The following PDE8B variants were observed in gnomAD, a reference collection of about 807,000 sequenced individuals.
The protein encoded by PDE8B is phosphodiesterase 8B, also known as high affinity cAMP-specific and IBMX-insensitive 3',5'-cyclic phosphodiesterase 8B.
Under a neutral mutation model 101.3 loss-of-function variants are expected in PDE8B, and 26 were observed. That is an observed-to-expected ratio of 0.26 (90% confidence interval 0.19 to 0.36). PDE8B has a LOEUF of 0.36. PDE8B is among the 10% of genes least tolerant of loss of function. The probability of loss-of-function intolerance (pLI) is 1.00; values close to 1 mark genes in which losing one functional copy is unlikely to be tolerated. For missense variants in PDE8B, 810 were observed against 1,163.1 expected (o/e 0.70, Z 4.42); for synonymous variants, 424 against 429.3 (o/e 0.99, Z 0.15).
chr5:77,188,568 C>A, the PDE8B span, among the ~76,000 whole-genome samples: 1 of 152,098 alleles, frequency 6.6e-6, no homozygotes, highest in Non-Finnish European at 1.5e-5. Context: ...TAACTTCTGT[C>A]GGAAAGACCA....
chr5:77,373,457 T>TCC (rs1785449725), intron 10 of PDE8B, among the ~76,000 whole-genome samples: 1 of 152,180 alleles, frequency 6.6e-6, no homozygotes, highest in East Asian at 1.9e-4. Context: ...TATCAACATA[T>TCC]CCCCAAGAGT....
intron 10 of PDE8B, among the ~76,000 whole-genome samples, chr5:77,380,944 A>G (rs1157533308): frequency 6.6e-6 from 1 of 152,182 alleles, no homozygotes; most frequent in East Asian, 1.9e-4. Flanking sequence ...TGGACTGGGA[A>G]GCTTCCCAAG....
chr5:77,250,811 C>T (rs1327760236), intron 1 of PDE8B, among the ~76,000 whole-genome samples: 2 of 152,178 alleles, frequency 1.3e-5, no homozygotes, highest in Non-Finnish European at 2.9e-5. Context: ...CCGCCAAGGT[C>T]CCTCTTCTCA....
chr5:77,411,547 T>G (rs2151092642), intron 14 of PDE8B, 129 bp from the exon 15 acceptor site: 1 of 732,134 alleles, frequency 1.4e-6, no homozygotes, highest in East Asian at 2.7e-5. Context: ...TTTTGAGCTT[T>G]GCTTCAACTT....
intron 14 of PDE8B, among the ~76,000 whole-genome samples, chr5:77,409,747 C>G (rs985502029): frequency 4.6e-5 from 7 of 152,154 alleles, no homozygotes; most frequent in Admixed American, 1.3e-4. Context: ...TTTGAGTTCC[C>G]CATCAGAGTC....
At chr5:77,197,706 T>A in the PDE8B span, among the ~76,000 whole-genome samples, 111,431 of 151,684 alleles carry the variant, frequency 0.73, 42,123 homozygotes, top group East Asian at 0.96. Context: ...CTTTTCAAAA[T>A]CCAGCTCCTG....
intron 10 of PDE8B, among the ~76,000 whole-genome samples, chr5:77,368,130 G>GTGTTTGGTC (rs1174968110): frequency 1.3e-5 from 2 of 152,194 alleles, no homozygotes; most frequent in African/African-American, 4.8e-5. Context: ...GTGTAATTTT[G>GTGTTTGGTC]TGTTTGGTCT....
At chr5:77,137,118 A>G in the PDE8B span, among the ~76,000 whole-genome samples, 1 of 152,100 alleles carries the variant, frequency 6.6e-6, no homozygotes, top group African/African-American at 2.4e-5. Context: ...TTTTGTCATC[A>G]TGTATTGTGA....
chr5:77,291,320 C>T (rs982474064), intron 1 of PDE8B: 2 of 1,612,636 alleles, frequency 1.2e-6, no homozygotes, highest in African/African-American at 2.7e-5. Flanking sequence ...AGGCAGTGAG[C>T]ATGTTTCTTG....
chr5:77,156,531 T>G, the PDE8B span, among the ~76,000 whole-genome samples: 1 of 152,194 alleles, frequency 6.6e-6, no homozygotes, highest in Non-Finnish European at 1.5e-5. Context: ...TATTACATAC[T>G]GTGAATTATG....
intron 1 of PDE8B, among the ~76,000 whole-genome samples, chr5:77,218,452 C>G (rs956337938): frequency 1.3e-5 from 2 of 152,350 alleles, no homozygotes; most frequent in East Asian, 3.9e-4. Flanking sequence ...TGGTCTCTCA[C>G]CCCATGAGCC....
chr5:77,262,123 C>CTTCAT (rs1413950278), intron 1 of PDE8B, among the ~76,000 whole-genome samples: 1 of 151,820 alleles, frequency 6.6e-6, no homozygotes, highest in East Asian at 1.9e-4. Context: ...TTCATATGTA[C>CTTCAT]AGTGTGACCA....
rs1230783460 is a variant in PDE8B, at chr5:77,426,756, A to C, written c.*202A>C. ...ATGAAGAAAAATATATGTTCTTTTG[A>C]ATACTTAATGACAGAACAAATACTT... On this transcript the variant is annotated 3_prime_UTR_variant, in exon 22 of 22. Transcript: ENST00000264917. The C allele has an allele frequency of 1.7e-6, 1 of 580,532 alleles. No homozygotes were observed. The highest frequency in any genetic ancestry group is 3.1e-6 in the Non-Finnish European group (1 of 322,610). 36.0% of individuals were successfully genotyped at this position (580,532 alleles called of 1,614,324 possible).
chr5:77,240,825 AT>A (rs1467638264), intron 1 of PDE8B, among the ~76,000 whole-genome samples: 1 of 152,242 alleles, frequency 6.6e-6, no homozygotes, highest in Non-Finnish European at 1.5e-5. Flanking sequence ...ATAAAATAAA[AT>A]TATTTTGTCT....
intron 1 of PDE8B, among the ~76,000 whole-genome samples, chr5:77,266,018 A>T (rs959052221): frequency 1.3e-5 from 2 of 152,222 alleles, no homozygotes; most frequent in African/African-American, 4.8e-5. Context: ...TCAGGAAAAA[A>T]GGGGTGCTCA....
chr5:77,176,014 A>C, the PDE8B span, among the ~76,000 whole-genome samples: 1 of 152,214 alleles, frequency 6.6e-6, no homozygotes, highest in Non-Finnish European at 1.5e-5. Context: ...TGGGGTTATC[A>C]GTAGATAACT....
At chr5:77,095,558 G>A in the PDE8B span, among the ~76,000 whole-genome samples, 2 of 152,158 alleles carry the variant, frequency 1.3e-5, no homozygotes, top group African/African-American at 4.8e-5. Context: ...AGCTGACCCA[G>A]TTGAGATGTC....
chr5:77,089,995 G>A, the PDE8B span, among the ~76,000 whole-genome samples: 3 of 152,174 alleles, frequency 2.0e-5, no homozygotes, highest in Non-Finnish European at 4.4e-5. Context: ...GCAGCAACAT[G>A]CAGGGAACTA....
chr5:77,170,838 A>C, the PDE8B span, among the ~76,000 whole-genome samples: 1 of 152,220 alleles, frequency 6.6e-6, no homozygotes, highest in Non-Finnish European at 1.5e-5. Flanking sequence ...TCCCAAGAAA[A>C]AAATAACTTT....
Sources: gnomAD v4.1 joint callset for allele counts (sites outside exome capture counted in the v4.1 genomes callset) on GRCh38, gnomAD v4.1.1 for gene constraint, MANE v1.5 for transcripts, NCBI Gene and HGNC (gene_info 2026-07-23, HGNC 2026-07-21) for gene names.